TMEM52B: variants seen among roughly 807,000 people sequenced by gnomAD.
TMEM52B encodes transmembrane protein 52B, also known as chromosome 12 open reading frame 59.
TMEM52B carries 11 observed loss-of-function variants against 16.1 expected under a neutral mutation model. That is an observed-to-expected ratio of 0.68 (90% confidence interval 0.43 to 1.13). The LOEUF (loss-of-function observed/expected upper bound fraction) is 1.13, where lower values mean the gene tolerates loss of function less well. Among genes scored for constraint, TMEM52B ranks in the 50% most tolerant of loss-of-function variants. The probability of loss-of-function intolerance (pLI) is 0.00; values close to 1 mark genes in which losing one functional copy is unlikely to be tolerated. For synonymous variants in TMEM52B, 101 were observed against 93.8 expected (o/e 1.08, Z -0.45); for missense variants, 243 against 230.4 (o/e 1.05, Z -0.35).
Position 10,171,842 on chromosome 12 carries a change from T to A in TMEM52B, c.-95+991T>A, listed in dbSNP as rs1191866421. 2.6e-5 allele frequency among the ~76,000 whole-genome samples: 4 copies of A among 152,244 alleles called. No homozygotes were observed. In the East Asian group the frequency reaches 7.7e-4, roughly 29 times the overall value. ...TGTTATAAATAAGTTGTCATCATCA[T>A]CATCATTATAGCCTTCTTGTTTTTC... is the stretch of plus-strand genomic sequence containing the variant. On this transcript the variant is annotated intron_variant, in intron 1 of 5. Coordinates refer to the TMEM52B transcript ENST00000381923.
upstream of TMEM52B, among the ~76,000 whole-genome samples, chr12:10,177,204 A>G (rs1041331260): frequency 6.6e-5 from 10 of 152,272 alleles, no homozygotes; most frequent in Admixed American, 6.5e-4. Context: ...CTTCTACTGA[A>G]ATCTGGAAAT....
rs10431295 is a variant in TMEM52B at position 10,190,412 on chromosome 12, G to A, written c.*272G>A. 98,070 of 404,592 alleles carry A rather than the reference G, an allele frequency of 0.24. 15,742 individuals carry two copies. Among genetic ancestry groups the A allele is most frequent in the East Asian group, 0.71 (14,547 of 20,596 alleles). 25.1% of individuals were successfully genotyped at this position (404,592 alleles called of 1,614,324 possible). A position where few individuals can be genotyped will look rare whatever the true frequency, so the allele number is the denominator to read the frequency against. ...TACTAAACCAGGAAAGCATCAAGGT[G>A]TCTTGAATTCCTTTAACTATTGAGT... is the stretch of plus-strand genomic sequence containing the variant. On this transcript the variant is annotated 3_prime_UTR_variant, in exon 5 of 5. Coordinates refer to ENST00000543484, the MANE Select transcript of TMEM52B (RefSeq NM_001384896.1).
At chr12:10,180,127 A>G (rs1948805482) in intron 1 of TMEM52B, among the ~76,000 whole-genome samples, 1 of 152,282 alleles carries the variant, frequency 6.6e-6, no homozygotes, top group African/African-American at 2.4e-5. Flanking sequence ...ATTAGTGGAG[A>G]AAAGGGTCAC....
At chr12:10,176,665 C>A (rs2537779), upstream of TMEM52B, among the ~76,000 whole-genome samples, 80,704 of 152,032 alleles carry the variant, frequency 0.53, 22,291 homozygotes, top group Middle Eastern at 0.7. Context: ...CACTGGTAAA[C>A]TTTAGTGAAA....
upstream of TMEM52B, among the ~76,000 whole-genome samples, chr12:10,174,159 C>A (rs544320724): frequency 2.0e-5 from 3 of 152,260 alleles, no homozygotes; most frequent in South Asian, 4.1e-4. Flanking sequence ...CTCCTGGGTT[C>A]AAGCAATTCT....
At chr12:10,178,275 G>C (rs1162077382), upstream of TMEM52B, among the ~76,000 whole-genome samples, 2 of 151,778 alleles carry the variant, frequency 1.3e-5, no homozygotes, top group Admixed American at 6.6e-5. Context: ...CCAGCACTTT[G>C]GGAGGCCGAG....
rs1037290012 is a variant in TMEM52B at position 10,181,791 on chromosome 12, C to T, written c.55-759C>T. Among the ~76,000 whole-genome samples the T allele has an allele frequency of 8.0e-5, 12 of 150,556 alleles. 1 individual carries two copies. The East Asian group carries it at 1.8e-3, about 23-fold the overall frequency. On this transcript the variant is annotated intron_variant, in intron 1 of 4. Coordinates refer to ENST00000543484, the MANE Select transcript of TMEM52B (RefSeq NM_001384896.1). The stretch of plus-strand genomic sequence containing the variant: ...GTAATCCCAACAGCACTTTGGGAGG[C>T]GGAGGTGGGTGGGTCACTTGAGGTC...
upstream of TMEM52B, among the ~76,000 whole-genome samples, chr12:10,178,282 C>T (rs1457846074): frequency 6.6e-6 from 1 of 151,642 alleles, no homozygotes; most frequent in Non-Finnish European, 1.5e-5. Context: ...TTTGGGAGGC[C>T]GAGTCGGGCG....
Position 10,182,593 on chromosome 12 carries a change from A to G in TMEM52B, c.98A>G (p.His33Arg), listed in dbSNP as rs1460633737. ...GAGGAAAACTGTGGTAATCCTGAAC[A>G]GTAAGTATAGAGTTCAAGCTGGGAG... ...RCEENCGNPE[H>R]CLTTDWVHLW... Residue 33 changes from histidine (H) to arginine (R), a missense_variant and splice_region_variant, in exon 2 of 5, where the codon CAT (histidine) becomes CGT (arginine). By Grantham distance (29) the His-to-Arg change is conservative. Coordinates refer to ENST00000543484, the MANE Select transcript of TMEM52B (RefSeq NM_001384896.1). The G allele has an allele frequency of 2.0e-6, 3 of 1,535,330 alleles. No homozygotes were observed. The highest frequency in any genetic ancestry group is 1.7e-4 in the Middle Eastern group (1 of 5,984).
Position 10,190,248 on chromosome 12 carries a change from C to T in TMEM52B, c.*108C>T. The T allele has an allele frequency of 7.3e-7, 1 of 1,375,222 alleles. No individual in the cohort carries two copies. The allele number at this position is 1,375,222 out of a possible 1,614,324, so 85.2% of individuals were successfully genotyped here. A position where few individuals can be genotyped will look rare whatever the true frequency, so the allele number is the denominator to read the frequency against. ...GAAGTTTTAAGATGGCATCTAACAC[C>T]ATCATTCTATGGGAAAGATGGTTCT... On this transcript the variant is annotated 3_prime_UTR_variant, in exon 5 of 5. Transcript: ENST00000543484.
At chr12:10,178,709 C>A (rs2137541680), upstream of TMEM52B, among the ~76,000 whole-genome samples, 2 of 151,708 alleles carry the variant, frequency 1.3e-5, no homozygotes, top group South Asian at 4.2e-4. Flanking sequence ...AGAAAGAAAC[C>A]TATACATTTG....
At position 10,179,538 on chromosome 12, in the gene TMEM52B, C is replaced by T. The variant is rs111667805; in HGVS notation, c.-37C>T. On this transcript the variant is annotated 5_prime_UTR_variant, in exon 1 of 5. Transcript: ENST00000543484. The stretch of plus-strand genomic sequence containing the variant: ...AGCATTGAAAGGAGGCAACGGATGC[C>T]CAGTGCAAGATTCTGAAGAAGCAGG... 5.3e-4 allele frequency: 858 copies of T among 1,612,012 alleles called. 5 individuals are homozygous for T. The African/African-American group carries it at 8.7e-3, about 16-fold the overall frequency.
rs1034145258 is a variant in TMEM52B at position 10,189,970 on chromosome 12, C to T, written c.382C>T (p.Leu128=). 3 of 1,614,064 alleles carry T rather than the reference C, an allele frequency of 1.9e-6. No individual in the cohort carries two copies. In the African/African-American group the frequency reaches 4.0e-5, roughly 22 times the overall value. ...TCACTCCCACAGCTCCCTGGGCCAG[C>T]TGCCCTCCTCTTTGGACACCCTCCC... ...VAHSHSSLGQ[L]PSSLDTLPGY... The change falls in exon 5 of 5, where the codon CTG becomes TTG. Residue 128 remains leucine (L), a synonymous_variant. Coordinates refer to ENST00000543484, the MANE Select transcript of TMEM52B (RefSeq NM_001384896.1).
At chr12:10,187,079 G>A (rs971965829) in intron 4 of TMEM52B, among the ~76,000 whole-genome samples, 1 of 135,064 alleles carries the variant, frequency 7.4e-6, no homozygotes. Flanking sequence ...TTCTTCTGTG[G>A]TTCTATTCTT....
At chr12:10,189,493 G>A (rs1320110300) in intron 4 of TMEM52B, among the ~76,000 whole-genome samples, 1 of 149,972 alleles carries the variant, frequency 6.7e-6, no homozygotes, top group African/African-American at 2.5e-5. Flanking sequence ...GCATGGTGGC[G>A]GGCGCCTGTA....
chr12:10,173,446 C>A (rs758314628), intron 1 of TMEM52B, among the ~76,000 whole-genome samples: 6 of 152,076 alleles, frequency 3.9e-5, no homozygotes, highest in Non-Finnish European at 5.9e-5. Flanking sequence ...CTCCCTGTTT[C>A]CTATATTCCT....
upstream of TMEM52B, among the ~76,000 whole-genome samples, chr12:10,176,154 G>C (rs1242984148): frequency 6.6e-6 from 1 of 152,270 alleles, no homozygotes; most frequent in South Asian, 2.1e-4. Flanking sequence ...AGTGTACTTC[G>C]TTCAGTCTTC....
intron 4 of TMEM52B, among the ~76,000 whole-genome samples, chr12:10,187,167 A>C (rs570672548): frequency 8.5e-5 from 11 of 129,394 alleles, no homozygotes; most frequent in African/African-American, 3.3e-4. Flanking sequence ...CAGTGGTGCA[A>C]TCTCAGGCTC....
At position 10,186,521 on chromosome 12, in the gene TMEM52B, G is replaced by C. The variant is rs146780218; in HGVS notation, c.239G>C (p.Gly80Ala). 5 of 1,609,962 alleles carry C rather than the reference G, an allele frequency of 3.1e-6. No homozygotes were observed. The highest frequency in any genetic ancestry group is 4.2e-6 in the Non-Finnish European group (5 of 1,176,956). The change falls in exon 4 of 5, where the codon GGC becomes GCC. Residue 80 changes from glycine to alanine, a missense_variant. Gly to Ala is a moderately conservative substitution (Grantham distance 60). Coordinates refer to ENST00000543484, the MANE Select transcript of TMEM52B (RefSeq NM_001384896.1). ...LSRQQNGEDG[G>A]PPPCEVTVIA... ...CGCCAGCAAAATGGGGAAGATGGGG[G>C]CCCACCACCCTGTGAAGTGACCGTC... is the stretch of plus-strand genomic sequence containing the variant.
Sources: gnomAD v4.1 joint callset for allele counts (sites outside exome capture counted in the v4.1 genomes callset) on GRCh38, gnomAD v4.1.1 for gene constraint, MANE v1.5 for transcripts, NCBI Gene and HGNC (gene_info 2026-07-23, HGNC 2026-07-21) for gene names.